Variants in DSCAML1 observed in about 807,000 individuals in gnomAD.
DSCAML1 encodes cell adhesion molecule DSCAML1.
Under a neutral mutation model 200.5 loss-of-function variants are expected in DSCAML1, and 38 were observed. The ratio of observed to expected loss-of-function variants is 0.19; its 90% confidence interval spans 0.15 to 0.25. The LOEUF (loss-of-function observed/expected upper bound fraction) is 0.25, where lower values mean the gene tolerates loss of function less well. Ranked by LOEUF, DSCAML1 falls within the 10% of genes least tolerant of loss-of-function variation. The pLI, the probability that DSCAML1 is intolerant of heterozygous loss-of-function variation, is 1.00. For missense variants in DSCAML1, 2,223 were observed against 2,858.8 expected (o/e 0.78, Z 5.07); for synonymous variants, 1,215 against 1,165.0 (o/e 1.04, Z -0.87).
intron 3 of DSCAML1, among the ~76,000 whole-genome samples, chr11:117,724,069 G>A (rs1180829231): frequency 2.0e-5 from 3 of 152,128 alleles, no homozygotes; most frequent in African/African-American, 7.2e-5. Context: ...TCTTCTTCTG[G>A]CTACAAAAGC....
chr11:117,577,495 TTCC>T (rs1267571270), intron 3 of DSCAML1, among the ~76,000 whole-genome samples: 8,989 of 31,546 alleles, frequency 0.28, 617 homozygotes, highest in Non-Finnish European at 0.35. Flanking sequence ...CCTTCCTTCC[TTCC>T]TTCCTTCCCT....
At position 117,631,861 on chromosome 11, in the gene DSCAML1, C is replaced by T. The variant is rs755242057; in HGVS notation, c.512-99339G>A. Among the ~76,000 whole-genome samples, 3 of 152,192 alleles carry T rather than the reference C, an allele frequency of 2.0e-5. No homozygotes were observed. In the East Asian group the frequency reaches 5.8e-4, roughly 29 times the overall value. ...CTGGTGCCTGTCCTTGAGGAGAAGGCCCCTAAGCTAAGGAGAGAAGGTCTA... is the reference window on the plus strand; with the variant it reads ...CTGGTGCCTGTCCTTGAGGAGAAGGTCCCTAAGCTAAGGAGAGAAGGTCTA... On this transcript the variant is annotated intron_variant, in intron 3 of 32. Transcript: ENST00000651296.
chr11:117,696,192 G>A (rs1278843365), intron 3 of DSCAML1, among the ~76,000 whole-genome samples: 2 of 152,212 alleles, frequency 1.3e-5, no homozygotes, highest in Admixed American at 6.5e-5. Flanking sequence ...AGCTTCGCAC[G>A]GGGTACAGCT....
chr11:117,739,930 C>A (rs2054392044), intron 3 of DSCAML1, among the ~76,000 whole-genome samples: 4 of 152,244 alleles, frequency 2.6e-5, no homozygotes, highest in African/African-American at 9.6e-5. Context: ...AATATCTCCA[C>A]CTCTGCTCAG....
chr11:117,812,711 C>A (rs988104322), intron 1 of DSCAML1, among the ~76,000 whole-genome samples: 1 of 149,538 alleles, frequency 6.7e-6, no homozygotes, highest in Non-Finnish European at 1.5e-5. Context: ...GCATAATTCT[C>A]GTAAAAACAC....
At chr11:117,679,155 G>A (rs571312969) in intron 3 of DSCAML1, among the ~76,000 whole-genome samples, 1 of 152,338 alleles carries the variant, frequency 6.6e-6, no homozygotes, top group East Asian at 1.9e-4. Context: ...ACTGTGGGAC[G>A]ATGCGTGTTA....
At chr11:117,598,231 A>G (rs1215220682) in intron 3 of DSCAML1, among the ~76,000 whole-genome samples, 1 of 152,118 alleles carries the variant, frequency 6.6e-6, no homozygotes, top group Non-Finnish European at 1.5e-5. Context: ...ATTTCCTGAA[A>G]TTTTCCAAGG....
In DSCAML1 at chr11:117,736,693, G is replaced by C. The variant is rs180894114; in HGVS notation, c.511+40098C>G. Among the ~76,000 whole-genome samples the C allele has an allele frequency of 1.7e-3, 256 of 152,214 alleles. 1 individual carries two copies. The highest frequency in any genetic ancestry group is 5.7e-3 in the African/African-American group (237 of 41,510). Reference sequence around the variant, plus strand: ...AGCTCCTCCCTGATCCCCTTTCCCTGACACACACACATTTCCAAAAGCTTC... The same window carrying C: ...AGCTCCTCCCTGATCCCCTTTCCCTCACACACACACATTTCCAAAAGCTTC... On this transcript the variant is annotated intron_variant, in intron 3 of 32. Coordinates refer to ENST00000651296, the MANE Select transcript of DSCAML1 (RefSeq NM_020693.4).
chr11:117,624,110 C>T (rs1273243469), intron 3 of DSCAML1, among the ~76,000 whole-genome samples: 2 of 152,204 alleles, frequency 1.3e-5, no homozygotes, highest in African/African-American at 4.8e-5. Context: ...AAATGATTAA[C>T]TTTCTTTTTA....
intron 3 of DSCAML1, among the ~76,000 whole-genome samples, chr11:117,711,910 C>T (rs901710941): frequency 2.6e-5 from 4 of 152,190 alleles, no homozygotes; most frequent in African/African-American, 9.7e-5. Context: ...TGAATCTCCA[C>T]TTATTACTCC....
At chr11:117,664,130 G>T (rs780545140) in intron 3 of DSCAML1, among the ~76,000 whole-genome samples, 1 of 152,228 alleles carries the variant, frequency 6.6e-6, no homozygotes, top group African/African-American at 2.4e-5. Flanking sequence ...CAGGGGAGGG[G>T]ATCAGGACTC....
intron 3 of DSCAML1, among the ~76,000 whole-genome samples, chr11:117,560,216 A>G (rs567053): frequency 0.9 from 136,934 of 152,096 alleles, 61,891 homozygotes; most frequent in Non-Finnish European, 0.94. Context: ...AAATCCAGCC[A>G]CCATTTGTTG....
intron 1 of DSCAML1, among the ~76,000 whole-genome samples, chr11:117,793,873 G>T (rs1714533239): frequency 6.6e-6 from 1 of 152,188 alleles, no homozygotes; most frequent in South Asian, 2.1e-4. Flanking sequence ...GCGTCGGAAA[G>T]GCTTGTCGGG....
intron 5 of DSCAML1, among the ~76,000 whole-genome samples, chr11:117,522,713 C>A (rs537603708): frequency 2.0e-4 from 30 of 152,220 alleles, no homozygotes; most frequent in Non-Finnish European, 2.1e-4. Flanking sequence ...AGTCGCCAGC[C>A]GGAGCTCCCA....
intron 3 of DSCAML1, among the ~76,000 whole-genome samples, chr11:117,712,828 T>C (rs1314922347): frequency 6.6e-6 from 1 of 152,054 alleles, no homozygotes; most frequent in Non-Finnish European, 1.5e-5. Flanking sequence ...CCGCTCCTCC[T>C]TGGGTACCTT....
intron 3 of DSCAML1, among the ~76,000 whole-genome samples, chr11:117,717,347 C>A (rs1278240836): frequency 1.3e-5 from 2 of 152,114 alleles, no homozygotes; most frequent in Non-Finnish European, 2.9e-5. Context: ...CTCACCTCTC[C>A]CCGCCCCTGC....
At chr11:117,587,262 C>CCCT (rs796303967) in intron 3 of DSCAML1, among the ~76,000 whole-genome samples, 1 of 150,674 alleles carries the variant, frequency 6.6e-6, no homozygotes, top group Admixed American at 6.6e-5. Flanking sequence ...AACCCCCCCC[C>CCCT]ACGATTTAGA....
chr11:117,465,584 A>C (rs1224062623), intron 16 of DSCAML1, among the ~76,000 whole-genome samples: 1 of 152,106 alleles, frequency 6.6e-6, no homozygotes, highest in Non-Finnish European at 1.5e-5. Flanking sequence ...CCTCCACAGC[A>C]CTTAGCATCA....
chr11:117,595,059 TACACACAC>T (rs374932790), intron 3 of DSCAML1, among the ~76,000 whole-genome samples: 1 of 143,814 alleles, frequency 7.0e-6, no homozygotes, highest in African/African-American at 2.6e-5. Context: ...GTCTTTCTCT[TACACACAC>T]ACACACACAC....
Sources: gnomAD v4.1 joint callset for allele counts (sites outside exome capture counted in the v4.1 genomes callset) on GRCh38, gnomAD v4.1.1 for gene constraint, MANE v1.5 for transcripts, NCBI Gene and HGNC (gene_info 2026-07-23, HGNC 2026-07-21) for gene names.